The following POLRMT variants were observed in gnomAD, a reference collection of about 807,000 sequenced individuals.
POLRMT encodes DNA-directed RNA polymerase, mitochondrial.
Under a neutral mutation model 132.2 loss-of-function variants are expected in POLRMT, and 114 were observed. That is an observed-to-expected ratio of 0.86 (90% CI 0.74 to 1.01). The LOEUF (loss-of-function observed/expected upper bound fraction) is 1.01. Among genes scored for constraint, POLRMT ranks in the 50% least tolerant of loss-of-function variants. The pLI is 0.00. For synonymous variants in POLRMT, 1,020 were observed against 773.4 expected (o/e 1.32, Z -5.29); for missense variants, 2,003 against 1,729.1 (o/e 1.16, Z -2.81).
chr19:617,345 C>G lies in POLRMT; in HGVS notation c.3644-22G>C, dbSNP rs201864801. ...GCCCCTGCGGAGGAAGCAGAGCGGACGGCGTGGGTGGCGGGAAAGCCCCGC... is the reference window on the plus strand; with the variant it reads ...GCCCCTGCGGAGGAAGCAGAGCGGAGGGCGTGGGTGGCGGGAAAGCCCCGC... On this transcript the variant is annotated intron_variant, in intron 20 of 20. Transcript: ENST00000588649. 6.1e-5 allele frequency: 99 copies of G among 1,612,680 alleles called. 1 individual carries two copies. The East Asian group carries it at 1.3e-3, about 21-fold the overall frequency.
chr19:620,140 C>T (rs1373547746), intron 11 of POLRMT, 60 bp from the exon 12 acceptor site: 1 of 1,526,304 alleles, frequency 6.6e-7, no homozygotes, highest in African/African-American at 1.4e-5. Flanking sequence ...TGTGGGACCC[C>T]AAACCACCCC....
chr19:621,668 G>A lies in POLRMT; in HGVS notation c.2030C>T (p.Ala677Val). 6.4e-7 allele frequency: 1 copy of A among 1,553,200 alleles called. No individual in the cohort carries two copies. The highest frequency in any genetic ancestry group is 8.7e-7 in the Non-Finnish European group (1 of 1,152,526). The change falls in exon 10 of 21, where the codon GCC (alanine) becomes GTC (valine). Residue 677 changes from alanine to valine, a missense_variant. Physicochemically the swap from Ala to Val is moderately conservative, Grantham distance 64. Transcript: ENST00000588649. ...TTCCAGCAGCTCCTGGTGCTGCGTGGCGCCTTCCACCGTGCGCATCAGCTT... is the reference window on the plus strand; with the variant it reads ...TTCCAGCAGCTCCTGGTGCTGCGTGACGCCTTCCACCGTGCGCATCAGCTT... ...PTKLMRTVEG[A>V]TQHQELLETC...
chr19:624,127 C>T (rs565279519), intron 5 of POLRMT, among the ~76,000 whole-genome samples: 2 of 152,344 alleles, frequency 1.3e-5, no homozygotes, highest in South Asian at 2.1e-4. Context: ...CGGCCATCCA[C>T]GCACCGGAGC....
Position 620,506 on chromosome 19 carries a change from G to C in POLRMT, c.2641-19C>G, listed in dbSNP as rs1473970896. Reference sequence around the variant, plus strand: ...TTCGGCCCTGCGGGGACAGCGGATGGGGGGCAGTGAGGCCCGGGCCCGATC... The same window carrying C: ...TTCGGCCCTGCGGGGACAGCGGATGCGGGGCAGTGAGGCCCGGGCCCGATC... On this transcript the variant is annotated intron_variant, in intron 10 of 20. Transcript: ENST00000588649. The C allele has an allele frequency of 5.8e-6, 9 of 1,554,208 alleles. No individual in the cohort carries two copies. Among genetic ancestry groups the C allele is most frequent in the Non-Finnish European group, 7.8e-6 (9 of 1,148,270 alleles).
intron 18 of POLRMT, 49 bp from the exon 19 acceptor site, chr19:617,704 C>T (rs1182019277): frequency 2.5e-6 from 4 of 1,610,766 alleles, no homozygotes; most frequent in Non-Finnish European, 3.4e-6. Context: ...AGGCTCTGGG[C>T]ACCACCCCTA....
At chr19:624,519 C>T (rs940956461) in intron 5 of POLRMT, among the ~76,000 whole-genome samples, 200 bp downstream of exon 5, 1 of 152,158 alleles carries the variant, frequency 6.6e-6, no homozygotes. Flanking sequence ...CACCTCGTCC[C>T]CCTGAGCCCA....
Position 618,469 on chromosome 19 carries a change from G to A in POLRMT, c.3422+19C>T, listed in dbSNP as rs767597910. 24 of 1,567,038 alleles carry A rather than the reference G, an allele frequency of 1.5e-5. No homozygotes were observed. The highest frequency in any genetic ancestry group is 2.3e-5 in the South Asian group (2 of 87,648). ...CCCCTGGGAGGCGAGCGGCACCCAC[G>A]CCGTCCGGAGACGCCCACCTGTAGC... On this transcript the variant is annotated intron_variant, in intron 17 of 20. Transcript: ENST00000588649.
At position 622,679 on chromosome 19, in the gene POLRMT, C is replaced by T; in HGVS notation, c.1529G>A (p.Ser510Asn). Reference protein sequence around the residue: ...LARELSARTFSRHVVQRQRVS... With the variant: ...LARELSARTFNRHVVQRQRVS... ...CCGCTGCCTCTGCACCACGTGCCGG[C>T]TGAAAGTGCGCGCACTCAGCTCCCG... Residue 510 changes from serine to asparagine, a missense_variant, in exon 8 of 21, where the codon AGC becomes AAC. Physicochemically the swap from Ser to Asn is conservative, Grantham distance 46. Transcript: ENST00000588649. 2 of 1,605,750 alleles carry T rather than the reference C, an allele frequency of 1.2e-6. No homozygotes were observed. Among genetic ancestry groups the T allele is most frequent in the Non-Finnish European group, 1.7e-6 (2 of 1,177,440 alleles).
intron 3 of POLRMT, among the ~76,000 whole-genome samples, chr19:626,696 C>CAAAAAAAAAAAAAAAAAAAAAAAAAAAA (rs59746130): frequency 9.5e-6 from 1 of 105,044 alleles, no homozygotes; most frequent in African/African-American, 4.3e-5. Flanking sequence ...ACTAAAAATA[C>CAAAAAAAAAAAAAAAAAAAAAAAAAAAA]AAAAAAAAAA....
Position 618,488 on chromosome 19 carries a change from C to A in POLRMT, c.3422G>T (p.Arg1141Met). The change falls in exon 17 of 21, where the codon AGG becomes ATG. Residue 1141 changes from arginine to methionine, a missense_variant and splice_region_variant. Coordinates refer to ENST00000588649, the MANE Select transcript of POLRMT (RefSeq NM_005035.4). Reference protein sequence around the residue: ...HMMLTALHCYRKGLTFVSVHD... With the variant: ...HMMLTALHCYMKGLTFVSVHD... ...ACCCACGCCGTCCGGAGACGCCCACCTGTAGCAGTGCAGGGCGGTGAGCAT... is the reference window on the plus strand; with the variant it reads ...ACCCACGCCGTCCGGAGACGCCCACATGTAGCAGTGCAGGGCGGTGAGCAT... 1.2e-6 allele frequency: 2 copies of A among 1,601,784 alleles called. No individual in the cohort carries two copies. The highest frequency in any genetic ancestry group is 1.7e-6 in the Non-Finnish European group (2 of 1,170,860).
intron 10 of POLRMT, among the ~76,000 whole-genome samples, 155 bp downstream of exon 10, chr19:620,902 GA>G (rs1984493349): frequency 2.0e-5 from 1 of 49,396 alleles, no homozygotes; most frequent in African/African-American, 1.0e-4. Flanking sequence ...AGGGGAGGGG[GA>G]GGGGAGGAGG....
intron 3 of POLRMT, among the ~76,000 whole-genome samples, chr19:629,110 G>A (rs1985224752): frequency 6.6e-6 from 1 of 152,176 alleles, no homozygotes; most frequent in Non-Finnish European, 1.5e-5. Flanking sequence ...TGTGCTCAGA[G>A]GGAATGCGGC....
chr19:618,910 G>A, intron 15 of POLRMT, 87 bp downstream of exon 15: 7 of 1,352,800 alleles, frequency 5.2e-6, no homozygotes, highest in Non-Finnish European at 6.1e-6. Context: ...GTACACTGGG[G>A]TGGTGGTACG....
chr19:628,024 G>T (rs1352918981), intron 3 of POLRMT, among the ~76,000 whole-genome samples: 1 of 152,048 alleles, frequency 6.6e-6, no homozygotes, highest in African/African-American at 2.4e-5. Flanking sequence ...AATTATCCGG[G>T]GGTGGTGGCA....
chr19:628,473 C>T (rs923779677), intron 3 of POLRMT, among the ~76,000 whole-genome samples: 3 of 152,212 alleles, frequency 2.0e-5, no homozygotes, highest in African/African-American at 4.8e-5. Flanking sequence ...TCCTGAATTT[C>T]GCTGTTTGAT....
chr19:624,668 C>T, intron 5 of POLRMT, 51 bp downstream of exon 5: 1 of 1,571,246 alleles, frequency 6.4e-7, no homozygotes. Context: ...CCAGGAACCC[C>T]CAAAGGGCAG....
In POLRMT at chr19:617,552, G is replaced by C; in HGVS notation, c.3581+18C>G. The C allele has an allele frequency of 1.2e-6, 2 of 1,610,918 alleles. No homozygotes were observed. The highest frequency in any genetic ancestry group is 2.2e-5 in the East Asian group (1 of 44,892). ...GTGGGGGGGGAATCCAGGTAGTTGG[G>C]GTCAGGGAGCGCCTTACTCAGAGCA... On this transcript the variant is annotated intron_variant, in intron 19 of 20. Transcript: ENST00000588649.
rs1351420945 is a variant in POLRMT, at chr19:621,137, C to G, written c.2561G>C (p.Arg854Pro). 4 of 1,611,072 alleles carry G rather than the reference C, an allele frequency of 2.5e-6. No homozygotes were observed. Among genetic ancestry groups the G allele is most frequent in the African/African-American group, 1.3e-5 (1 of 74,902 alleles). ...GGCCAGGCGCTTCCGCAGCGGCTCC[C>G]GCTTCTTCAACCCCGTGAGATTGAC... is the stretch of plus-strand genomic sequence containing the variant. ...HLVNLTGLKK[R>P]EPLRKRLAFA... The change falls in exon 10 of 21, where the codon CGG (arginine) becomes CCG (proline). Residue 854 changes from arginine (R) to proline (P), a missense_variant. Physicochemically the swap from Arg to Pro is moderately radical, Grantham distance 103. Transcript: ENST00000588649.
At chr19:622,547 G>T in intron 8 of POLRMT, 35 bp downstream of exon 8, 5 of 1,563,162 alleles carry the variant, frequency 3.2e-6, no homozygotes, top group Non-Finnish European at 4.3e-6. Context: ...CCCACCACTG[G>T]CCCCAGCCAG....
Sources: gnomAD v4.1 joint callset for allele counts (sites outside exome capture counted in the v4.1 genomes callset) on GRCh38, gnomAD v4.1.1 for gene constraint, MANE v1.5 for transcripts, NCBI Gene and HGNC (gene_info 2026-07-23, HGNC 2026-07-21) for gene names.